Variants in DIS3L2 observed in about 807,000 individuals in gnomAD.
The protein encoded by DIS3L2 is DIS3-like exonuclease 2.
Under a neutral mutation model 97.5 loss-of-function variants are expected in DIS3L2, and 34 were observed. That is an observed-to-expected ratio of 0.35 (90% CI 0.27 to 0.46). The LOEUF (loss-of-function observed/expected upper bound fraction) is 0.46. Ranked by LOEUF, DIS3L2 falls within the 20% of genes least tolerant of loss-of-function variation. The pLI is 1.00. For synonymous variants in DIS3L2, 435 were observed against 445.2 expected (o/e 0.98, Z 0.29); for missense variants, 1,038 against 1,146.0 (o/e 0.91, Z 1.36).
intron 6 of DIS3L2, among the ~76,000 whole-genome samples, chr2:232,104,404 G>A (rs1254693526): frequency 6.6e-6 from 1 of 151,866 alleles, no homozygotes; most frequent in Non-Finnish European, 1.5e-5. Flanking sequence ...AACTTTTGTG[G>A]GTTAAATTTG....
chr2:232,159,508 C>T (rs951681850), intron 8 of DIS3L2, among the ~76,000 whole-genome samples: 1 of 152,128 alleles, frequency 6.6e-6, no homozygotes, highest in Non-Finnish European at 1.5e-5. Flanking sequence ...AAAGAGAGGC[C>T]AGGCATTATG....
intron 1 of DIS3L2, among the ~76,000 whole-genome samples, chr2:231,981,444 G>T (rs936535027): frequency 6.6e-6 from 1 of 150,916 alleles, no homozygotes; most frequent in Non-Finnish European, 1.5e-5. Flanking sequence ...CATTTTATCT[G>T]TAAATAATAA....
intron 8 of DIS3L2, among the ~76,000 whole-genome samples, chr2:232,163,135 C>G (rs1433933321): frequency 6.6e-6 from 1 of 152,106 alleles, no homozygotes; most frequent in Non-Finnish European, 1.5e-5. Flanking sequence ...TAATAGCACA[C>G]TGGATTGATC....
intron 8 of DIS3L2, among the ~76,000 whole-genome samples, chr2:232,145,285 G>A (rs553580904): frequency 6.6e-6 from 1 of 152,230 alleles, no homozygotes; most frequent in South Asian, 2.1e-4. Flanking sequence ...ATCTTCTGAA[G>A]AATAGATGTT....
intron 6 of DIS3L2, among the ~76,000 whole-genome samples, chr2:232,110,600 A>G (rs1212796954): frequency 6.6e-6 from 1 of 152,244 alleles, no homozygotes; most frequent in Non-Finnish European, 1.5e-5. Context: ...ATGCAGGAAC[A>G]GAAAACCAAA....
At chr2:232,059,993 T>C (rs1695658673) in intron 5 of DIS3L2, among the ~76,000 whole-genome samples, 1 of 152,198 alleles carries the variant, frequency 6.6e-6, no homozygotes, top group South Asian at 2.1e-4. Flanking sequence ...TTCTTTTGGA[T>C]GTATACCCAG....
Position 232,059,297 on chromosome 2 carries a change from A to G in DIS3L2, c.367-28190A>G, listed in dbSNP as rs114677936. Among the ~76,000 whole-genome samples, 588 of 152,308 alleles carry G rather than the reference A, an allele frequency of 3.9e-3. 3 individuals carry two copies. Among genetic ancestry groups the G allele is most frequent in the African/African-American group, 0.013 (560 of 41,582 alleles). ...GCTTTTAAAATGATTCAAATAAAACAATATGAAATTTGTATTCTAGACTTA... is the reference window on the plus strand; with the variant it reads ...GCTTTTAAAATGATTCAAATAAAACGATATGAAATTTGTATTCTAGACTTA... On this transcript the variant is annotated intron_variant, in intron 5 of 20. Transcript: ENST00000325385.
chr2:232,142,653 C>T (rs1217067697), intron 8 of DIS3L2, among the ~76,000 whole-genome samples: 1 of 152,116 alleles, frequency 6.6e-6, no homozygotes, highest in East Asian at 1.9e-4. Flanking sequence ...TATCTATTTT[C>T]ACTGATAAAA....
At chr2:232,249,082 C>T (rs895336718) in intron 11 of DIS3L2, among the ~76,000 whole-genome samples, 157 bp from the exon 12 acceptor site, 1 of 152,240 alleles carries the variant, frequency 6.6e-6, no homozygotes, top group Non-Finnish European at 1.5e-5. Context: ...GAAAAGTATA[C>T]AACAGTGTGG....
chr2:232,071,361 A>T (rs1471056763), intron 5 of DIS3L2, among the ~76,000 whole-genome samples: 2 of 152,036 alleles, frequency 1.3e-5, no homozygotes, highest in Non-Finnish European at 2.9e-5. Context: ...CTCTACAAAA[A>T]ATAAAGAAAA....
chr2:232,263,285 G>A lies in DIS3L2; in HGVS notation c.1504G>A (p.Glu502Lys), dbSNP rs747085764. 1.2e-6 allele frequency: 2 copies of A among 1,614,192 alleles called. No homozygotes were observed. Among genetic ancestry groups the A allele is most frequent in the Admixed American group, 3.3e-5 (2 of 60,024 alleles). Residue 502 changes from glutamate (E) to lysine (K), a missense_variant, in exon 13 of 21, where the codon GAA becomes AAA. Physicochemically the swap from Glu to Lys is moderately conservative, Grantham distance 56. Coordinates refer to ENST00000325385, the MANE Select transcript of DIS3L2 (RefSeq NM_152383.5). ...LSYEHAQSMI[E>K]SPTEKIPAKE... ...CTACGAGCATGCACAGAGCATGATT[G>A]AAAGCCCAACTGAGAAAATCCCTGC... is the stretch of plus-strand genomic sequence containing the variant.
downstream of DIS3L2, among the ~76,000 whole-genome samples, chr2:232,341,508 G>A (rs890526097): frequency 6.6e-6 from 1 of 152,218 alleles, no homozygotes; most frequent in Non-Finnish European, 1.5e-5. Flanking sequence ...CACAGTTTAC[G>A]ATCTGGCAAT....
intron 5 of DIS3L2, among the ~76,000 whole-genome samples, chr2:232,050,888 A>T (rs893434400): frequency 4.6e-5 from 7 of 152,250 alleles, no homozygotes; most frequent in Admixed American, 3.3e-4. Flanking sequence ...GAGCACAGAG[A>T]TGAAGGAGGT....
chr2:232,257,297 A>T (rs568736622), intron 12 of DIS3L2, among the ~76,000 whole-genome samples: 2 of 152,128 alleles, frequency 1.3e-5, no homozygotes, highest in African/African-American at 4.8e-5. Flanking sequence ...AGTTACTAGG[A>T]CCTTCCCTAG....
At chr2:232,120,014 C>T (rs1040000283) in intron 6 of DIS3L2, among the ~76,000 whole-genome samples, 2 of 151,806 alleles carry the variant, frequency 1.3e-5, no homozygotes, top group East Asian at 1.9e-4. Flanking sequence ...GGCTTTTTTT[C>T]CCCCCAGTCT....
intron 6 of DIS3L2, among the ~76,000 whole-genome samples, chr2:232,113,808 C>T (rs1278463327): frequency 1.3e-5 from 2 of 152,214 alleles, no homozygotes; most frequent in African/African-American, 4.8e-5. Context: ...AAACAAACCT[C>T]CTTCTTGCCT....
At chr2:232,113,623 T>C (rs187815368) in intron 6 of DIS3L2, among the ~76,000 whole-genome samples, 41 of 152,310 alleles carry the variant, frequency 2.7e-4, no homozygotes, top group Middle Eastern at 3.4e-3. Context: ...AAAGGAGGGA[T>C]TGAAACCACC....
intron 8 of DIS3L2, among the ~76,000 whole-genome samples, chr2:232,143,521 A>G (rs909689645): frequency 6.6e-6 from 1 of 152,132 alleles, no homozygotes; most frequent in African/African-American, 2.4e-5. Context: ...ATTTTTTCCA[A>G]ATACATACAT....
chr2:232,340,686 G>A (rs1437637600), downstream of DIS3L2: 2 of 468,934 alleles, frequency 4.3e-6, no homozygotes, highest in African/African-American at 4.0e-5. Context: ...CATGACCAGG[G>A]ACTGGCAAAG....
Sources: allele counts gnomAD v4.1 joint callset (sites outside exome capture counted in the v4.1 genomes callset), GRCh38; gene constraint gnomAD v4.1.1; transcripts MANE v1.5; gene names NCBI Gene and HGNC (gene_info 2026-07-23, HGNC 2026-07-21).